Variants in CUX1 observed in about 807,000 individuals in gnomAD.
The protein encoded by CUX1 is cut like homeobox 1, also known as protein CASP.
Under a neutral mutation model 158.8 loss-of-function variants are expected in CUX1, and 31 were observed. The observed-to-expected ratio is 0.20, with a 90% confidence interval of 0.15 to 0.26. CUX1 has a LOEUF of 0.26. Among genes scored for constraint, CUX1 ranks in the 10% least tolerant of loss-of-function variants. CUX1 has a pLI of 1.00. For missense variants in CUX1, 1,589 were observed against 2,014.6 expected (o/e 0.79, Z 4.04); for synonymous variants, 879 against 862.1 (o/e 1.02, Z -0.34).
rs546290605 is a variant in CUX1 at position 102,279,967 on chromosome 7, C to T, written c.1681-70C>T. 560 of 1,014,794 alleles carry T rather than the reference C, an allele frequency of 5.5e-4. 1 individual carries two copies. Among genetic ancestry groups the T allele is most frequent in the Non-Finnish European group, 7.8e-4 (512 of 658,082 alleles). 62.9% of individuals were successfully genotyped at this position (1,014,794 alleles called of 1,614,324 possible). On this transcript the variant is annotated intron_variant, in intron 18 of 22. Coordinates refer to the CUX1 transcript ENST00000292538. The stretch of plus-strand genomic sequence containing the variant: ...TTGCAGATGAGGAAACTGAGGCTCC[C>T]CTGGGCTCCTGCCCTTCCCGCTGGG...
At chr7:102,124,938 C>T (rs1380803022) in intron 8 of CUX1, among the ~76,000 whole-genome samples, 5 of 152,002 alleles carry the variant, frequency 3.3e-5, no homozygotes, top group Admixed American at 6.6e-5. Context: ...CAGGGCACCA[C>T]GCCCAGCTAA....
intron 2 of CUX1, among the ~76,000 whole-genome samples, chr7:101,993,368 C>A (rs866886893): frequency 2.6e-5 from 4 of 152,122 alleles, no homozygotes; most frequent in Admixed American, 6.5e-5. Flanking sequence ...GATAACAAGG[C>A]GTGCTGGAGA....
chr7:101,990,370 G>C (rs1585194593), intron 2 of CUX1, among the ~76,000 whole-genome samples: 1 of 129,544 alleles, frequency 7.7e-6, no homozygotes, highest in Non-Finnish European at 1.5e-5. Flanking sequence ...TCTTTTGTTT[G>C]TTTGTTTGTT....
intron 2 of CUX1, among the ~76,000 whole-genome samples, chr7:101,984,146 ATATGTGTGTG>A (rs1207999530): frequency 5.4e-5 from 4 of 74,624 alleles, no homozygotes; most frequent in Admixed American, 2.6e-4. Flanking sequence ...ACACATATAT[ATATGTGTGTG>A]TGTGTGTGTG....
downstream of CUX1, among the ~76,000 whole-genome samples, chr7:102,262,174 C>A (rs185175528): frequency 6.6e-6 from 1 of 152,080 alleles, no homozygotes; most frequent in African/African-American, 2.4e-5. Flanking sequence ...GGAGCCGAGG[C>A]GGGTGGATCA....
chr7:102,127,321 C>G (rs1832745922), intron 8 of CUX1, among the ~76,000 whole-genome samples: 1 of 152,224 alleles, frequency 6.6e-6, no homozygotes, highest in African/African-American at 2.4e-5. Flanking sequence ...ATCCTCCCAC[C>G]TCAGCCTCCC....
chr7:101,898,026 T>C (rs887061759), intron 1 of CUX1, among the ~76,000 whole-genome samples: 1 of 152,170 alleles, frequency 6.6e-6, no homozygotes, highest in Non-Finnish European at 1.5e-5. Context: ...GTGGGCCTTT[T>C]TGGCAGCCCC....
At chr7:102,101,262 C>T (rs1353242812) in intron 5 of CUX1, among the ~76,000 whole-genome samples, 1 of 152,238 alleles carries the variant, frequency 6.6e-6, no homozygotes, top group Non-Finnish European at 1.5e-5. Flanking sequence ...CACAGCCCCA[C>T]CCATCCCGCA....
intron 2 of CUX1, among the ~76,000 whole-genome samples, chr7:101,926,648 T>C (rs1395631105): frequency 6.6e-6 from 1 of 152,214 alleles, no homozygotes; most frequent in Non-Finnish European, 1.5e-5. Context: ...CAAGGGGTCC[T>C]GGAGGCTGAA....
At chr7:101,865,911 C>T (rs1403797704) in intron 1 of CUX1, among the ~76,000 whole-genome samples, 1 of 152,096 alleles carries the variant, frequency 6.6e-6, no homozygotes, top group African/African-American at 2.4e-5. Context: ...GCAACGCAGG[C>T]GACCTTGACG....
intron 10 of CUX1, 44 bp downstream of exon 10, chr7:102,170,594 C>G (rs528753380): frequency 1.4e-6 from 2 of 1,381,196 alleles, no homozygotes; most frequent in East Asian, 5.0e-5. Flanking sequence ...CGCCTGGCCT[C>G]CGCACCTTCG....
In CUX1 at chr7:101,916,280, T is replaced by C. The variant is rs772384111; in HGVS notation, c.141+55T>C. Reference sequence around the variant, plus strand: ...GAAGGGATCTTAGAATGCTGGTGCATGTTCAGGCGACGCTCCGTGAGCGTT... The same window carrying C: ...GAAGGGATCTTAGAATGCTGGTGCACGTTCAGGCGACGCTCCGTGAGCGTT... On this transcript the variant is annotated intron_variant, in intron 2 of 23. Transcript: ENST00000292535. The surrounding 1 kb of genome is among the most constrained non-coding windows in gnomAD (Gnocchi z 4.4). 3.1e-5 allele frequency: 35 copies of C among 1,132,920 alleles called. No homozygotes were observed. The highest frequency in any genetic ancestry group is 4.4e-5 in the Non-Finnish European group (33 of 743,550). The allele number at this position is 1,132,920 out of a possible 1,614,324, so 70.2% of individuals were successfully genotyped here.
intron 8 of CUX1, among the ~76,000 whole-genome samples, chr7:102,133,196 G>A (rs573230598): frequency 7.9e-5 from 12 of 152,256 alleles, no homozygotes; most frequent in African/African-American, 2.9e-4. Flanking sequence ...AAGGCACTTT[G>A]GGATGCAGCC....
At chr7:102,277,930 C>G in intron 17 of CUX1, 46 of 1,145,464 alleles carry the variant, frequency 4.0e-5, no homozygotes, top group Middle Eastern at 2.6e-4. Context: ...CACCCCTTTC[C>G]TTGCCCCTCC....
intron 13 of CUX1, 61 bp downstream of exon 13, chr7:102,193,951 C>G: frequency 6.6e-7 from 1 of 1,508,860 alleles, no homozygotes; most frequent in Non-Finnish European, 9.2e-7. Flanking sequence ...TACCACTGGT[C>G]CCTCCGGCAT....
chr7:102,030,317 A>G (rs1286940800), intron 3 of CUX1, among the ~76,000 whole-genome samples: 1 of 151,766 alleles, frequency 6.6e-6, no homozygotes, highest in Admixed American at 6.6e-5. Flanking sequence ...CGGCCCACCT[A>G]TATGCTCTTT....
intron 1 of CUX1, among the ~76,000 whole-genome samples, chr7:101,845,767 C>T (rs1019754708): frequency 6.6e-6 from 1 of 152,244 alleles, no homozygotes; most frequent in African/African-American, 2.4e-5. Context: ...CTATAATCCC[C>T]GCACTTTGGG....
At chr7:102,268,082 G>T (rs1554545450) in intron 14 of CUX1, among the ~76,000 whole-genome samples, 2 of 152,080 alleles carry the variant, frequency 1.3e-5, no homozygotes. Context: ...CTTTCCTGAG[G>T]GGAAGGGGAC....
intron 4 of CUX1, among the ~76,000 whole-genome samples, chr7:102,087,864 G>A (rs188608717): frequency 1.1e-3 from 162 of 151,774 alleles, no homozygotes; most frequent in African/African-American, 3.7e-3. Context: ...ATTCCCTTGC[G>A]TGGATTCAAG....
Sources: gnomAD v4.1 joint callset for allele counts (sites outside exome capture counted in the v4.1 genomes callset) on GRCh38, gnomAD v4.1.1 for gene constraint, Gnocchi (gnomAD v3.1) non-coding constraint, MANE v1.5 for transcripts, NCBI Gene and HGNC (gene_info 2026-07-23, HGNC 2026-07-21) for gene names.